Variants in PRR15L observed in about 807,000 individuals in gnomAD.
PRR15L encodes proline rich 15 like, also known as proline-rich protein 15-like protein.
PRR15L carries 1 observed loss-of-function variant against 3.7 expected under a neutral mutation model. The observed-to-expected ratio is 0.27, with a 90% CI of 0.09 to 1.27. The LOEUF is 1.27. Ranked by LOEUF, PRR15L falls within the 50% of genes most tolerant of loss-of-function variation. PRR15L has a pLI of 0.47. For missense variants in PRR15L, 127 were observed against 128.7 expected, an observed-to-expected ratio of 0.99 and a Z score of 0.06; for synonymous variants, 57 against 51.9, an observed-to-expected ratio of 1.10 and a Z score of -0.42.
chr17:47,956,667 T>C (rs1315720900), intron 1 of PRR15L, among the ~76,000 whole-genome samples: 2 of 152,158 alleles, frequency 1.3e-5, no homozygotes, highest in African/African-American at 4.8e-5. Flanking sequence ...AGCTGTAGGA[T>C]CTGTAAATAG....
intron 1 of PRR15L, among the ~76,000 whole-genome samples, chr17:47,954,966 A>G (rs57049112): frequency 0.027 from 2,982 of 110,120 alleles, 122 homozygotes; most frequent in African/African-American, 0.095. Flanking sequence ...AGTCTTGCTT[A>G]TTGCCCAGGC....
Position 47,952,639 on chromosome 17 carries a change from C to CTCTTATACA in PRR15L, c.*283_*284insTGTATAAGA. 3.0e-6 allele frequency: 1 copy of CTCTTATACA among 332,742 alleles called. No individual in the cohort carries two copies. Among genetic ancestry groups the CTCTTATACA allele is most frequent in the Non-Finnish European group, 5.5e-6 (1 of 180,504 alleles). The allele number at this position is 332,742 out of a possible 1,614,324, so 20.6% of individuals were successfully genotyped here. A position where few individuals can be genotyped will look rare whatever the true frequency, so the allele number is the denominator to read the frequency against. On this transcript the variant is annotated 3_prime_UTR_variant, in exon 2 of 2. Coordinates refer to ENST00000300557, the MANE Select transcript of PRR15L (RefSeq NM_024320.4). ...CATGCCCACCTCCCTGCTGGCCCTG[C>CTCTTATACA]CATTGCTTCAAGGAGGGCTGTTCCT...
Position 47,952,796 on chromosome 17 carries a change from T to C in PRR15L, c.*127A>G, listed in dbSNP as rs892587447. The stretch of plus-strand genomic sequence containing the variant: ...AATACAAACCTAAAAAACAGCCATT[T>C]CCTGCCAGCAGGTATCAACTGGCCC... On this transcript the variant is annotated 3_prime_UTR_variant, in exon 2 of 2. Coordinates refer to ENST00000300557, the MANE Select transcript of PRR15L (RefSeq NM_024320.4). The C allele has an allele frequency of 1.5e-5, 15 of 967,958 alleles. No individual in the cohort carries two copies. The East Asian group carries it at 3.9e-4, about 25-fold the overall frequency. 60.0% of individuals were successfully genotyped at this position (967,958 alleles called of 1,614,324 possible).
Position 47,953,279 on chromosome 17 carries a change from G to T in PRR15L, c.-29-16C>A, listed in dbSNP as rs72823504. On this transcript the variant is annotated splice_polypyrimidine_tract_variant and intron_variant, in intron 1 of 1. Transcript: ENST00000300557. ...ATGGGGCTTTCTGCTGGAGCAGGGTGGGGGAGACAAAGGGGTCAGTGGGAA... is the reference window on the plus strand; with the variant it reads ...ATGGGGCTTTCTGCTGGAGCAGGGTTGGGGAGACAAAGGGGTCAGTGGGAA... The T allele has an allele frequency of 3.1e-5, 45 of 1,429,474 alleles. No individual in the cohort carries two copies. Among genetic ancestry groups the T allele is most frequent in the Admixed American group, 1.6e-4 (6 of 36,876 alleles). The allele number at this position is 1,429,474 out of a possible 1,614,324, so 88.5% of individuals were successfully genotyped here.
At chr17:47,954,157 G>A (rs151044453) in intron 1 of PRR15L, among the ~76,000 whole-genome samples, 1 of 152,330 alleles carries the variant, frequency 6.6e-6, no homozygotes, top group Non-Finnish European at 1.5e-5. Flanking sequence ...CTGCTGGGCT[G>A]TTCCTAAGGC....
Position 47,952,970 on chromosome 17 carries a change from T to G in PRR15L, c.265A>C (p.Asn89His). 6.2e-7 allele frequency: 1 copy of G among 1,614,118 alleles called. No homozygotes were observed. Among genetic ancestry groups the G allele is most frequent in the Non-Finnish European group, 8.5e-7 (1 of 1,180,018 alleles). Residue 89 changes from asparagine (N) to histidine (H), a missense_variant, in exon 2 of 2, where the codon AAC becomes CAC. Asn to His is a moderately conservative substitution (Grantham distance 68). Coordinates refer to ENST00000300557, the MANE Select transcript of PRR15L (RefSeq NM_024320.4). ...TCGTGATCATCAAAGAGGTTAGGGT[T>G]CTCTGCCAGCGTGGCTCTCACTTTC... is the stretch of plus-strand genomic sequence containing the variant. ...KKKVRATLAE[N>H]PNLFDDHEEG...
At chr17:47,955,032 C>T (rs995357608) in intron 1 of PRR15L, among the ~76,000 whole-genome samples, 6 of 150,884 alleles carry the variant, frequency 4.0e-5, no homozygotes, top group Non-Finnish European at 7.4e-5. Flanking sequence ...CAGGTTCAAG[C>T]GATTCTCCTG....
rs530524141 is a variant in PRR15L, at chr17:47,953,132, C to T, written c.103G>A (p.Gly35Arg). Residue 35 changes from glycine (G) to arginine (R), a missense_variant, in exon 2 of 2, where the codon GGA (glycine) becomes AGA (arginine). Physicochemically the swap from Gly to Arg is moderately radical, Grantham distance 125. Transcript: ENST00000300557. ...TCAGGCCTCGGGGGTTCTGCATCTC[C>T]CTCTGTTTGGGCATAGGTGTCAGGG... ...EIPDTYAQTE[G>R]DAEPPRPDAG... 2 of 1,614,110 alleles carry T rather than the reference C, an allele frequency of 1.2e-6. No homozygotes were observed. Among genetic ancestry groups the T allele is most frequent in the South Asian group, 1.1e-5 (1 of 91,084 alleles).
At chr17:47,954,168 A>G (rs2036102640) in intron 1 of PRR15L, among the ~76,000 whole-genome samples, 1 of 152,214 alleles carries the variant, frequency 6.6e-6, no homozygotes, top group African/African-American at 2.4e-5. Flanking sequence ...TTCCTAAGGC[A>G]GGAGTCAGAT....
chr17:47,955,897 G>A (rs558376951), intron 1 of PRR15L, among the ~76,000 whole-genome samples: 1 of 152,332 alleles, frequency 6.6e-6, no homozygotes, highest in East Asian at 1.9e-4. Context: ...AGAAGATCCA[G>A]CTCCTGAGAC....
chr17:47,956,453 C>A (rs367877793), intron 1 of PRR15L, among the ~76,000 whole-genome samples: 15 of 152,276 alleles, frequency 9.9e-5, no homozygotes, highest in African/African-American at 3.6e-4. Flanking sequence ...GCCTGGGCGA[C>A]ACAGTGAGAC....
At chr17:47,953,355 C>T in intron 1 of PRR15L, 92 bp from the exon 2 acceptor site, 1 of 767,688 alleles carries the variant, frequency 1.3e-6, no homozygotes, top group South Asian at 1.8e-5. Flanking sequence ...TAATCATGGG[C>T]TGTTTTAAGA....
intron 1 of PRR15L, among the ~76,000 whole-genome samples, chr17:47,956,565 G>A (rs981850480): frequency 6.6e-6 from 1 of 152,190 alleles, no homozygotes; most frequent in Non-Finnish European, 1.5e-5. Flanking sequence ...CAGTAAGCAG[G>A]TGTTTGCCCC....
At chr17:47,955,455 C>T (rs1174572928) in intron 1 of PRR15L, among the ~76,000 whole-genome samples, 1 of 151,844 alleles carries the variant, frequency 6.6e-6, no homozygotes, top group Non-Finnish European at 1.5e-5. Flanking sequence ...CCTCAGAGCA[C>T]ACAGCCGGTG....
At chr17:47,953,306 A>G in intron 1 of PRR15L, 43 bp from the exon 2 acceptor site, 1 of 1,228,656 alleles carries the variant, frequency 8.1e-7, no homozygotes, top group Non-Finnish European at 1.1e-6. Flanking sequence ...CAGTGGGAAA[A>G]GGGGGTGGGT....
At chr17:47,953,933 C>T (rs933403470) in intron 1 of PRR15L, among the ~76,000 whole-genome samples, 3 of 152,218 alleles carry the variant, frequency 2.0e-5, no homozygotes, top group Non-Finnish European at 4.4e-5. Flanking sequence ...GACAGCTTGC[C>T]TGAGTCACAC....
Position 47,952,981 on chromosome 17 carries a change from G to A in PRR15L, c.254C>T (p.Thr85Met), listed in dbSNP as rs747376928. 1.5e-5 allele frequency: 25 copies of A among 1,614,008 alleles called. No individual in the cohort carries two copies. Among genetic ancestry groups the A allele is most frequent in the East Asian group, 8.9e-5 (4 of 44,888 alleles). ...RFKEKKKVRA[T>M]LAENPNLFDD... ...AAAGAGGTTAGGGTTCTCTGCCAGC[G>A]TGGCTCTCACTTTCTTCTTCTCCTT... Residue 85 changes from threonine to methionine, a missense_variant, in exon 2 of 2, where the codon ACG becomes ATG. Thr to Met is a moderately conservative substitution (Grantham distance 81, BLOSUM62 -1). Coordinates refer to ENST00000300557, the MANE Select transcript of PRR15L (RefSeq NM_024320.4).
chr17:47,954,645 G>C (rs2036108260), intron 1 of PRR15L, among the ~76,000 whole-genome samples: 1 of 152,216 alleles, frequency 6.6e-6, no homozygotes, highest in Non-Finnish European at 1.5e-5. Flanking sequence ...AGAGGAGGTT[G>C]CCTGGACATC....
chr17:47,956,971 C>A (rs1193730431), intron 1 of PRR15L, among the ~76,000 whole-genome samples: 2 of 152,274 alleles, frequency 1.3e-5, no homozygotes, highest in Admixed American at 6.5e-5. Flanking sequence ...GCCTTGCAAT[C>A]CAGGGATGAT....
Sources: gnomAD v4.1 joint callset for allele counts (sites outside exome capture counted in the v4.1 genomes callset) on GRCh38, gnomAD v4.1.1 for gene constraint, MANE v1.5 for transcripts, NCBI Gene and HGNC (gene_info 2026-07-23, HGNC 2026-07-21) for gene names.